Variants in NID2 observed in about 807,000 individuals in gnomAD.
NID2 encodes the protein nidogen 2.
Under a neutral mutation model 145.4 loss-of-function variants are expected in NID2, and 83 were observed. That is an observed-to-expected ratio of 0.57 (90% CI 0.48 to 0.69). The LOEUF (loss-of-function observed/expected upper bound fraction) is 0.69, where lower values mean the gene tolerates loss of function less well. Among genes scored for constraint, NID2 ranks in the 30% least tolerant of loss-of-function variants. The probability of loss-of-function intolerance (pLI) is 0.00; values close to 1 mark genes in which losing one functional copy is unlikely to be tolerated. For synonymous variants in NID2, 739 were observed against 701.3 expected (o/e 1.05, Z -0.85); for missense variants, 1,807 against 1,765.7 (o/e 1.02, Z -0.42).
At chr14:52,044,266 CTTTTTTTTTTTT>C (rs55972168) in intron 5 of NID2, among the ~76,000 whole-genome samples, 1 of 113,918 alleles carries the variant, frequency 8.8e-6, no homozygotes, top group African/African-American at 3.5e-5. Context: ...ATTTAACAAC[CTTTTTTTTTTTT>C]TTTTTTTTTG....
intron 2 of NID2, among the ~76,000 whole-genome samples, chr14:52,060,795 A>C (rs1893001240): frequency 6.6e-6 from 1 of 152,154 alleles, no homozygotes; most frequent in Admixed American, 6.6e-5. Context: ...TCATTCATTC[A>C]TTCATCCATT....
At chr14:52,031,427 C>T (rs1595025978) in intron 9 of NID2, among the ~76,000 whole-genome samples, 1 of 152,188 alleles carries the variant, frequency 6.6e-6, no homozygotes. Flanking sequence ...AGCTCAACCT[C>T]AGTCCCTAGA....
chr14:52,008,802 CTG>C (rs1046737039), intron 18 of NID2: 1 of 152,216 alleles, frequency 6.6e-6, no homozygotes, highest in African/African-American at 2.4e-5. Context: ...GAGAAGGAAA[CTG>C]TTCTTTCTTC....
In NID2 at chr14:52,005,742, G is replaced by A; in HGVS notation, c.4112C>T (p.Pro1371Leu). 6.2e-7 allele frequency: 1 copy of A among 1,610,048 alleles called. No homozygotes were observed. Among genetic ancestry groups the A allele is most frequent in the South Asian group, 1.1e-5 (1 of 90,962 alleles). Residue 1371 changes from proline (P) to leucine (L), a missense_variant, in exon 21 of 22, where the codon CCA becomes CTA. Pro to Leu is a moderately conservative substitution (Grantham distance 98). Transcript: ENST00000216286. ...YGITAVYPYCPTGRK is the reference protein window; with the variant it reads ...YGITAVYPYCLTGRK ...TCCTAAAGCATACTTTTTACCTGTT[G>A]GGCAGTAGGGGTAGACTGCAGTTAT...
intron 9 of NID2, among the ~76,000 whole-genome samples, chr14:52,030,663 A>AAAAAGAAAAGAAAGAAAAGG (rs1461180833): frequency 1.9e-3 from 284 of 151,220 alleles, no homozygotes; most frequent in African/African-American, 6.5e-3. Context: ...AGAAAGAAAG[A>AAAAAGAAAAGAAAGAAAAGG]AAAAGAAAAG....
intron 2 of NID2, among the ~76,000 whole-genome samples, chr14:52,065,433 C>T (rs1328934654): frequency 6.7e-6 from 1 of 150,084 alleles, no homozygotes; most frequent in Admixed American, 6.6e-5. Context: ...AGAACATCCC[C>T]TATCCAAACA....
rs76190396 is a variant in NID2, at chr14:52,039,672, C to T, written c.2027-695G>A. ...GTCAGAGGAAAGGCACAACTCAATC[C>T]GGATTGCTGTGCTGCACAACAGCAG... On this transcript the variant is annotated intron_variant, in intron 8 of 21. Coordinates refer to ENST00000216286, the MANE Select transcript of NID2 (RefSeq NM_007361.4). Among the ~76,000 whole-genome samples, 805 of 152,302 alleles carry T rather than the reference C, an allele frequency of 5.3e-3. 1 individual carries two copies. Among genetic ancestry groups the T allele is most frequent in the Non-Finnish European group, 8.2e-3 (558 of 68,022 alleles).
At chr14:52,066,376 G>A (rs1165016551) in intron 2 of NID2, among the ~76,000 whole-genome samples, 2 of 151,654 alleles carry the variant, frequency 1.3e-5, no homozygotes, top group Admixed American at 6.6e-5. Context: ...AGCACAACAG[G>A]GTGACTATAA....
rs1891136500 is a variant in NID2, at chr14:52,014,342, G to A, written c.3365C>T (p.Pro1122Leu). The A allele has an allele frequency of 1.2e-6, 2 of 1,614,246 alleles. No homozygotes were observed. The highest frequency in any genetic ancestry group is 2.2e-5 in the East Asian group (1 of 44,882). The change falls in exon 16 of 22, where the codon CCC becomes CTC. Residue 1122 changes from proline (P) to leucine (L), a missense_variant. Physicochemically the swap from Pro to Leu is moderately conservative, Grantham distance 98 (BLOSUM62 -3). Transcript: ENST00000216286. ...YTQGQQIGYL[P>L]LNGTRLQKDA... ...CTTCTGAAGCCTGGTGCCATTGAGGGGTAAGTAGCCAATCTGCTGGCCCTG... is the reference window on the plus strand; with the variant it reads ...CTTCTGAAGCCTGGTGCCATTGAGGAGTAAGTAGCCAATCTGCTGGCCCTG...
intron 5 of NID2, among the ~76,000 whole-genome samples, chr14:52,046,949 C>T (rs1892520947): frequency 6.6e-6 from 1 of 152,194 alleles, no homozygotes. Flanking sequence ...CCACGCCTGC[C>T]TTCATACCCA....
At chr14:52,015,974 C>T (rs926162653) in intron 14 of NID2, among the ~76,000 whole-genome samples, 5 of 152,198 alleles carry the variant, frequency 3.3e-5, no homozygotes, top group Admixed American at 2.0e-4. Context: ...GCTTTAGCCA[C>T]CCTGCGCCTG....
chr14:52,008,762 G>T (rs1287444096), intron 18 of NID2: 1 of 152,150 alleles, frequency 6.6e-6, no homozygotes, highest in Non-Finnish European at 1.5e-5. Context: ...TACAAACTAT[G>T]GAACTTGAAG....
At chr14:52,016,753 A>T (rs1254932921) in intron 14 of NID2, among the ~76,000 whole-genome samples, 2 of 152,152 alleles carry the variant, frequency 1.3e-5, no homozygotes, top group South Asian at 2.1e-4. Context: ...CATTTTAAAC[A>T]TAAAGGCATT....
rs779302998 is a variant in NID2, at chr14:52,054,276, G to T, written c.813C>A (p.Gly271=). The part of the protein sequence containing the change: ...GIPGVWAFHI[G]STSPLDNVRP... ...TGACATTGTCCAACGGGGAAGTGCT[G>T]CCGATATGGAAAGCCCACACTCCAG... is the stretch of plus-strand genomic sequence containing the variant. The change falls in exon 4 of 22, where the codon GGC becomes GGA. Residue 271 remains glycine, a synonymous_variant. Coordinates refer to ENST00000216286, the MANE Select transcript of NID2 (RefSeq NM_007361.4). The T allele has an allele frequency of 4.3e-6, 7 of 1,614,036 alleles. No individual in the cohort carries two copies. In the African/African-American group the frequency reaches 8.0e-5, roughly 18 times the overall value.
At chr14:52,028,416 A>AG (rs1246826708) in intron 11 of NID2, among the ~76,000 whole-genome samples, 1 of 152,144 alleles carries the variant, frequency 6.6e-6, no homozygotes, top group Admixed American at 6.5e-5. Context: ...CTGGGACTAC[A>AG]GGCGTGTGCC....
intron 5 of NID2, among the ~76,000 whole-genome samples, chr14:52,045,118 C>T (rs1566132): frequency 0.8 from 121,372 of 152,104 alleles, 48,531 homozygotes; most frequent in South Asian, 0.88. Context: ...TTAGGGGTCA[C>T]CACATGTCTG....
At position 52,040,681 on chromosome 14, in the gene NID2, A is replaced by G. The variant is rs1892247849; in HGVS notation, c.1996T>C (p.Tyr666His). The G allele has an allele frequency of 2.5e-6, 4 of 1,614,040 alleles. No individual in the cohort carries two copies. Among genetic ancestry groups the G allele is most frequent in the South Asian group, 1.1e-5 (1 of 91,082 alleles). ...TCGGAGTAGTGGTACAGCTCCTTGT[A>G]GGGAGAGATGTGGGCTGTGAAATTT... ...SANFTAHISP[Y>H]KELYHYSDST... Residue 666 changes from tyrosine to histidine, a missense_variant, in exon 8 of 22, where the codon TAC becomes CAC. Transcript: ENST00000216286.
In NID2 at chr14:52,068,935, C is replaced by A. The variant is rs1302467837; in HGVS notation, c.60G>T (p.Leu20=). ...CGGCCCGCAACATTAGCAACGGCAG[C>A]AGCAGTAGCACTGGTAACGACGACA... ...PVLSSLPVLL[L]LPLLMLRAAA... Residue 20 remains leucine, a synonymous_variant, in exon 1 of 22, where the codon CTG becomes CTT. Coordinates refer to ENST00000216286, the MANE Select transcript of NID2 (RefSeq NM_007361.4). 2 of 1,613,692 alleles carry A rather than the reference C, an allele frequency of 1.2e-6. No individual in the cohort carries two copies. The highest frequency in any genetic ancestry group is 2.7e-5 in the African/African-American group (2 of 74,922).
At chr14:52,026,464 G>A (rs548139808) in intron 12 of NID2, among the ~76,000 whole-genome samples, 39 of 152,306 alleles carry the variant, frequency 2.6e-4, no homozygotes, top group African/African-American at 8.9e-4. Flanking sequence ...GTGTGTGTGT[G>A]ACTCACGTGA....
Sources: gnomAD v4.1 joint callset for allele counts (sites outside exome capture counted in the v4.1 genomes callset) on GRCh38, gnomAD v4.1.1 for gene constraint, MANE v1.5 for transcripts, NCBI Gene and HGNC (gene_info 2026-07-23, HGNC 2026-07-21) for gene names.